CUBN: variants seen among roughly 807,000 people sequenced by gnomAD.
CUBN encodes the protein 460 kDa receptor.
CUBN carries 282 observed loss-of-function variants against 405.3 expected under a neutral mutation model. That is an observed-to-expected ratio of 0.70 (90% CI 0.63 to 0.77). The LOEUF (loss-of-function observed/expected upper bound fraction) is 0.77, where lower values mean the gene tolerates loss of function less well. CUBN is among the 30% of genes least tolerant of loss of function. The pLI, the probability that CUBN is intolerant of heterozygous loss-of-function variation, is 0.00. For synonymous variants in CUBN, 1,684 were observed against 1,617.0 expected (o/e 1.04, Z -0.99); for missense variants, 4,514 against 4,475.2 (o/e 1.01, Z -0.25).
chr10:16,858,515 C>G (rs949615556), intron 59 of CUBN, among the ~76,000 whole-genome samples: 1 of 151,848 alleles, frequency 6.6e-6, no homozygotes, highest in Non-Finnish European at 1.5e-5. Context: ...AAGACAGGGT[C>G]TTGCTATTAT....
chr10:17,110,224 G>A (rs894392916), intron 9 of CUBN, among the ~76,000 whole-genome samples: 8 of 152,142 alleles, frequency 5.3e-5, no homozygotes, highest in African/African-American at 1.9e-4. Context: ...CAACAATTAC[G>A]ATATATGCCT....
chr10:17,052,665 C>A (rs1281141725), intron 22 of CUBN, among the ~76,000 whole-genome samples: 4 of 146,738 alleles, frequency 2.7e-5, no homozygotes, highest in African/African-American at 1.0e-4. Flanking sequence ...GAGGCTGAGG[C>A]ACGAGAATTG....
At chr10:17,059,097 T>A (rs140803765) in intron 22 of CUBN, among the ~76,000 whole-genome samples, 119 of 148,684 alleles carry the variant, frequency 8.0e-4, no homozygotes, top group African/African-American at 2.8e-3. Flanking sequence ...ACTCACATAT[T>A]TTTCTCTCTG....
At position 17,071,612 on chromosome 10, in the gene CUBN, C is replaced by CATAAAAATTATAGTAGTGCTTGTCCAG; in HGVS notation, c.2447-35_2447-9dup. On this transcript the variant is annotated splice_polypyrimidine_tract_variant and intron_variant, in intron 18 of 66. Coordinates refer to ENST00000377833, the MANE Select transcript of CUBN (RefSeq NM_001081.4). ...TTAATTCATCCCCGCAAGCTGTAAG[C>CATAAAAATTATAGTAGTGCTTGTCCAG]ATAAAAATTATAGTAGTGCTTGTCC... The CATAAAAATTATAGTAGTGCTTGTCCAG allele has an allele frequency of 6.2e-7, 1 of 1,612,564 alleles. No individual in the cohort carries two copies. Among genetic ancestry groups the CATAAAAATTATAGTAGTGCTTGTCCAG allele is most frequent in the Non-Finnish European group, 8.5e-7 (1 of 1,179,422 alleles).
At chr10:16,988,143 C>T (rs1353425204) in intron 29 of CUBN, among the ~76,000 whole-genome samples, 1 of 152,168 alleles carries the variant, frequency 6.6e-6, no homozygotes, top group African/African-American at 2.4e-5. Context: ...ATGACACAAC[C>T]CGAAACACAA....
chr10:16,935,163 AT>A (rs1390269425), intron 39 of CUBN, among the ~76,000 whole-genome samples: 2 of 151,770 alleles, frequency 1.3e-5, no homozygotes, highest in Admixed American at 6.6e-5. Context: ...TTTATTATTT[AT>A]TTTTACTATT....
Position 16,984,146 on chromosome 10 carries a change from T to G in CUBN, c.4484A>C (p.Asn1495Thr). The stretch of plus-strand genomic sequence containing the variant: ...CCATGACGCATTGAAGCCTCTCCCA[T>G]TTATGGACAAGTCGGTCTTGAATCG... ...AIRFKTDLSI[N>T]GRGFNASWQA... The change falls in exon 30 of 67, where the codon AAT (asparagine) becomes ACT (threonine). Residue 1495 changes from asparagine (N) to threonine (T), a missense_variant. Asn to Thr is a moderately conservative substitution (Grantham distance 65). This residue lies in a region of CUBN where 1,613 missense variants were observed against 1,542.8 expected (regional missense o/e 1.05). Coordinates refer to ENST00000377833, the MANE Select transcript of CUBN (RefSeq NM_001081.4). 1 of 1,614,136 alleles carries G rather than the reference T, an allele frequency of 6.2e-7. No individual in the cohort carries two copies. The highest frequency in any genetic ancestry group is 1.1e-5 in the South Asian group (1 of 91,070).
chr10:16,824,920 G>A lies in CUBN; in HGVS notation c.*55C>T. The A allele has an allele frequency of 1.6e-6, 2 of 1,220,424 alleles. No homozygotes were observed. The highest frequency in any genetic ancestry group is 2.4e-6 in the Non-Finnish European group (2 of 824,082). 75.6% of individuals were successfully genotyped at this position (1,220,424 alleles called of 1,614,324 possible). On this transcript the variant is annotated 3_prime_UTR_variant, in exon 67 of 67. Transcript: ENST00000377833. ...GGGTCATGTATCAGGATGGCAGAGTGCTGTCCAGCGTGCTGCAGAGGGAAA... is the reference window on the plus strand; with the variant it reads ...GGGTCATGTATCAGGATGGCAGAGTACTGTCCAGCGTGCTGCAGAGGGAAA...
chr10:16,896,205 G>A (rs1445525670), intron 54 of CUBN, among the ~76,000 whole-genome samples: 2 of 152,072 alleles, frequency 1.3e-5, no homozygotes, highest in Non-Finnish European at 1.5e-5. Context: ...TGATTCACAA[G>A]CTTTATGGGG....
chr10:17,128,263 A>G (rs1837245216), intron 2 of CUBN, among the ~76,000 whole-genome samples: 1 of 152,182 alleles, frequency 6.6e-6, no homozygotes, highest in Admixed American at 6.5e-5. Context: ...TGTCCTGGGC[A>G]AGTTACCTAA....
At chr10:16,919,937 A>G (rs1841985713) in intron 44 of CUBN, 26 bp downstream of exon 44, 1 of 1,611,070 alleles carries the variant, frequency 6.2e-7, no homozygotes, top group Admixed American at 1.7e-5. Flanking sequence ...TGGGGTAGGA[A>G]AAAAATGAAA....
At chr10:17,070,748 G>GT (rs950834194) in intron 19 of CUBN, among the ~76,000 whole-genome samples, 3 of 152,106 alleles carry the variant, frequency 2.0e-5, no homozygotes, top group Non-Finnish European at 2.9e-5. Flanking sequence ...AGTTCTAATA[G>GT]TTTTTTATGT....
intron 33 of CUBN, among the ~76,000 whole-genome samples, chr10:16,951,960 G>A (rs192500927): frequency 9.5e-4 from 144 of 152,132 alleles, no homozygotes; most frequent in Non-Finnish European, 1.7e-3. Flanking sequence ...AATCTCATAC[G>A]CCTGCATACG....
intron 6 of CUBN, among the ~76,000 whole-genome samples, chr10:17,119,647 AAAAC>A (rs1836990094): frequency 1.3e-5 from 2 of 152,164 alleles, no homozygotes; most frequent in Non-Finnish European, 2.9e-5. Flanking sequence ...CTCTGTCTCA[AAAAC>A]AAACAAACAA....
chr10:16,947,708 C>T (rs940200355), intron 35 of CUBN, among the ~76,000 whole-genome samples: 6 of 152,218 alleles, frequency 3.9e-5, no homozygotes, highest in Admixed American at 2.0e-4. Flanking sequence ...TGGCCTAGAA[C>T]CCAACGCAGC....
chr10:17,019,274 G>A (rs888371852), intron 28 of CUBN, among the ~76,000 whole-genome samples: 10 of 152,084 alleles, frequency 6.6e-5, no homozygotes, highest in African/African-American at 1.2e-4. Context: ...CCACCAATTC[G>A]TAGGTGGGAT....
chr10:17,028,109 T>C (rs968156298), intron 27 of CUBN, among the ~76,000 whole-genome samples: 1 of 152,080 alleles, frequency 6.6e-6, no homozygotes, highest in Admixed American at 6.6e-5. Flanking sequence ...CCCTCCCTAG[T>C]GGTAAGTGAA....
At chr10:16,926,312 G>C (rs1842188027) in intron 41 of CUBN, among the ~76,000 whole-genome samples, 1 of 152,186 alleles carries the variant, frequency 6.6e-6, no homozygotes, top group Non-Finnish European at 1.5e-5. Context: ...GAGGCAGAAT[G>C]AGAGATTCCA....
chr10:17,119,395 C>T (rs939690276), intron 6 of CUBN, among the ~76,000 whole-genome samples: 2 of 152,194 alleles, frequency 1.3e-5, no homozygotes, highest in Admixed American at 6.5e-5. Flanking sequence ...CACGGTGGCT[C>T]ACGCCTGTAA....
Sources: gnomAD v4.1 joint callset for allele counts (sites outside exome capture counted in the v4.1 genomes callset) on GRCh38, gnomAD v4.1.1 for gene constraint, gnomAD v4.1.1 regional missense constraint, MANE v1.5 for transcripts, NCBI Gene and HGNC (gene_info 2026-07-23, HGNC 2026-07-21) for gene names.